Variants in CSMD1 observed in about 807,000 individuals in gnomAD.
CSMD1 encodes the protein CUB and Sushi multiple domains 1.
Under a neutral mutation model 417.5 loss-of-function variants are expected in CSMD1, and 213 were observed. That is an observed-to-expected ratio of 0.51 (90% CI 0.46 to 0.57). The LOEUF is 0.57. Ranked by LOEUF, CSMD1 falls within the 20% of genes least tolerant of loss-of-function variation. CSMD1 has a pLI of 0.00. For missense variants in CSMD1, 6,923 were observed against 4,529.7 expected (o/e 1.53, Z -15.17); for synonymous variants, 2,862 against 1,736.8 (o/e 1.65, Z -16.11).
At chr8:4,911,082 G>A (rs972458479) in intron 1 of CSMD1, among the ~76,000 whole-genome samples, 2 of 152,140 alleles carry the variant, frequency 1.3e-5, no homozygotes, top group African/African-American at 4.8e-5. Flanking sequence ...CGATTGTGAG[G>A]CCTCCCCAGC....
chr8:3,236,210 G>A (rs963675255), intron 26 of CSMD1, among the ~76,000 whole-genome samples: 2 of 151,916 alleles, frequency 1.3e-5, no homozygotes, highest in African/African-American at 2.4e-5. Context: ...GAGCCACCGC[G>A]CCTCGCCGAA....
chr8:4,404,291 T>C (rs1320780176), intron 3 of CSMD1, among the ~76,000 whole-genome samples: 1 of 152,190 alleles, frequency 6.6e-6, no homozygotes, highest in African/African-American at 2.4e-5. Context: ...TGATATGCTG[T>C]ATATTTCAAT....
intron 2 of CSMD1, among the ~76,000 whole-genome samples, chr8:4,478,783 A>T (rs1011440744): frequency 6.6e-6 from 1 of 152,220 alleles, no homozygotes; most frequent in African/African-American, 2.4e-5. Context: ...TTTTAATGGC[A>T]TTCAAAATAT....
chr8:3,523,708 T>G (rs948955944), intron 10 of CSMD1, among the ~76,000 whole-genome samples: 1 of 140,084 alleles, frequency 7.1e-6, no homozygotes, highest in African/African-American at 2.7e-5. Context: ...CACATGTGCA[T>G]GCACACACAT....
In CSMD1 at chr8:3,190,120, A is replaced by G. The variant is rs768043401; in HGVS notation, c.5195-5T>C. ...TGTCACTGGTACGAGGAACAGCTAGAAGCAAAGTACAGAACACAGCCGTCT... is the reference window on the plus strand; with the variant it reads ...TGTCACTGGTACGAGGAACAGCTAGGAGCAAAGTACAGAACACAGCCGTCT... On this transcript the variant is annotated splice_polypyrimidine_tract_variant and splice_region_variant and intron_variant, in intron 33 of 69. Transcript: ENST00000635120. 16 of 1,579,158 alleles carry G rather than the reference A, an allele frequency of 1.0e-5. 1 individual carries two copies. In the Middle Eastern group the frequency reaches 8.3e-4, roughly 82 times the overall value.
intron 5 of CSMD1, among the ~76,000 whole-genome samples, chr8:3,760,422 A>C (rs908520711): frequency 1.3e-5 from 2 of 152,230 alleles, no homozygotes; most frequent in Non-Finnish European, 2.9e-5. Flanking sequence ...CTTTGAGCTT[A>C]AATAGAACAG....
chr8:3,772,355 T>TTATATATACATATATTCATATATTTA lies in CSMD1; in HGVS notation c.819-18314_819-18313insTAAATATATGAATATATGTATATATA, dbSNP rs1563064028. On this transcript the variant is annotated intron_variant, in intron 5 of 69. Transcript: ENST00000635120. ...TTTAGACATACATATATACATATAT[T>TTATATATACATATATTCATATATTTA]TATATATACATATATACATATATTC... 5.1e-4 allele frequency among the ~76,000 whole-genome samples: 44 copies of TTATATATACATATATTCATATATTTA among 86,430 alleles called. 4 individuals carry two copies. Among genetic ancestry groups the TTATATATACATATATTCATATATTTA allele is most frequent in the African/African-American group, 1.7e-3 (43 of 24,980 alleles). 56.7% of individuals were successfully genotyped at this position (86,430 alleles called of 152,430 possible).
chr8:3,153,013 C>G (rs578247605), intron 39 of CSMD1, among the ~76,000 whole-genome samples: 2 of 152,210 alleles, frequency 1.3e-5, no homozygotes, highest in Admixed American at 1.3e-4. Flanking sequence ...AAGGCTGAAA[C>G]GTACTGGGCT....
chr8:3,076,580 G>A lies in CSMD1; in HGVS notation c.7474+10517C>T, dbSNP rs117223942. Among the ~76,000 whole-genome samples the A allele has an allele frequency of 1.2e-3, 183 of 152,286 alleles. No homozygotes were observed. In the East Asian group the frequency reaches 0.029, roughly 24 times the overall value. On this transcript the variant is annotated intron_variant, in intron 49 of 69. Transcript: ENST00000635120. Reference sequence around the variant, plus strand: ...CTGCTATGCCGGAGATGCTCCGATTGCTGGAAGATATTCCCATAACTGCTC... The same window carrying A: ...CTGCTATGCCGGAGATGCTCCGATTACTGGAAGATATTCCCATAACTGCTC...
At position 4,994,748 on chromosome 8, in the gene CSMD1, C is replaced by A. The variant is rs1379119538; in HGVS notation, c.-332G>T. 2 of 284,650 alleles carry A rather than the reference C, an allele frequency of 7.0e-6. No individual in the cohort carries two copies. The highest frequency in any genetic ancestry group is 8.0e-5 in the East Asian group (1 of 12,576). 17.6% of individuals were successfully genotyped at this position (284,650 alleles called of 1,614,324 possible). A position where few individuals can be genotyped will look rare whatever the true frequency, so the allele number is the denominator to read the frequency against. On this transcript the variant is annotated 5_prime_UTR_variant, in exon 1 of 70. Coordinates refer to ENST00000635120, the MANE Select transcript of CSMD1 (RefSeq NM_033225.6). Reference sequence around the variant, plus strand: ...GGAGGGGGAGAAGCGGGGAGAGGAGCGCGCGCAGCCAGGAGAGACCTGGAG... The same window carrying A: ...GGAGGGGGAGAAGCGGGGAGAGGAGAGCGCGCAGCCAGGAGAGACCTGGAG...
intron 25 of CSMD1, among the ~76,000 whole-genome samples, chr8:3,290,311 C>T (rs1454900863): frequency 6.8e-6 from 1 of 146,664 alleles, no homozygotes; most frequent in Non-Finnish European, 1.5e-5. Flanking sequence ...GTGATTTGGG[C>T]TCTTTTTTGG....
At chr8:4,361,145 T>G (rs1801735572) in intron 3 of CSMD1, among the ~76,000 whole-genome samples, 1 of 152,202 alleles carries the variant, frequency 6.6e-6, no homozygotes, top group Non-Finnish European at 1.5e-5. Flanking sequence ...GCTGAAGCTT[T>G]ATCATTTGTA....
chr8:4,993,116 A>C (rs762167605), intron 1 of CSMD1, among the ~76,000 whole-genome samples: 6 of 152,196 alleles, frequency 3.9e-5, no homozygotes, highest in Non-Finnish European at 5.9e-5. Context: ...GGACCACTGG[A>C]GGAAAAGGAA....
At chr8:4,388,034 C>G (rs1287248268) in intron 3 of CSMD1, among the ~76,000 whole-genome samples, 1 of 152,046 alleles carries the variant, frequency 6.6e-6, no homozygotes, top group Non-Finnish European at 1.5e-5. Context: ...TCTATTTTAC[C>G]ACATTCCTGA....
intron 1 of CSMD1, among the ~76,000 whole-genome samples, chr8:4,887,165 A>C (rs1261697667): frequency 6.6e-6 from 1 of 152,064 alleles, no homozygotes; most frequent in Admixed American, 6.5e-5. Context: ...AAGATCTGAT[A>C]TGTTCAGTCA....
intron 1 of CSMD1, among the ~76,000 whole-genome samples, chr8:4,783,133 T>C (rs1356238625): frequency 2.0e-5 from 3 of 152,232 alleles, no homozygotes; most frequent in South Asian, 2.1e-4. Context: ...ATGTCATATG[T>C]AATCAGCAAA....
At chr8:3,405,560 T>G (rs1026972678) in intron 15 of CSMD1, among the ~76,000 whole-genome samples, 7 of 152,194 alleles carry the variant, frequency 4.6e-5, no homozygotes, top group African/African-American at 1.4e-4. Context: ...TGACTGTATT[T>G]GAAGATTGGG....
chr8:3,728,345 G>A (rs930507753), intron 6 of CSMD1, among the ~76,000 whole-genome samples: 1 of 152,144 alleles, frequency 6.6e-6, no homozygotes, highest in Non-Finnish European at 1.5e-5. Context: ...GTGGAACTGG[G>A]AGTCCATTAA....
chr8:4,909,563 G>A (rs1360781828), intron 1 of CSMD1, among the ~76,000 whole-genome samples: 1 of 152,038 alleles, frequency 6.6e-6, no homozygotes, highest in Admixed American at 6.6e-5. Flanking sequence ...ATTTTTCCTT[G>A]ACCTGCCAGA....
Sources: gnomAD v4.1 joint callset for allele counts (sites outside exome capture counted in the v4.1 genomes callset) on GRCh38, gnomAD v4.1.1 for gene constraint, MANE v1.5 for transcripts, NCBI Gene and HGNC (gene_info 2026-07-23, HGNC 2026-07-21) for gene names.